HSPA14: variants seen among roughly 807,000 people sequenced by gnomAD.
HSPA14 encodes heat shock 70 kDa protein 14.
Under a neutral mutation model 65.5 loss-of-function variants are expected in HSPA14, and 37 were observed. The ratio of observed to expected loss-of-function variants is 0.56; its 90% CI spans 0.43 to 0.74. The LOEUF (loss-of-function observed/expected upper bound fraction) is 0.74. Ranked by LOEUF, HSPA14 falls within the 30% of genes least tolerant of loss-of-function variation. The pLI is 0.00. For missense variants in HSPA14, 564 were observed against 607.6 expected, an observed-to-expected ratio of 0.93 and a Z score of 0.75; for synonymous variants, 203 against 214.2, an observed-to-expected ratio of 0.95 and a Z score of 0.46.
intron 5 of HSPA14, chr10:14,849,362 G>T: frequency 2.1e-6 from 1 of 483,882 alleles, no homozygotes. Context: ...TAAGAACTTG[G>T]GGGTTGGAAG....
intron 8 of HSPA14, among the ~76,000 whole-genome samples, chr10:14,853,375 A>G (rs1834122413): frequency 6.6e-6 from 1 of 152,198 alleles, no homozygotes; most frequent in Non-Finnish European, 1.5e-5. Context: ...ATGCTTGACA[A>G]ATAATTTTAT....
At chr10:14,858,229 G>A (rs929713101) in intron 10 of HSPA14, among the ~76,000 whole-genome samples, 5 of 152,156 alleles carry the variant, frequency 3.3e-5, no homozygotes, top group Admixed American at 6.5e-5. Context: ...GTTGCATATC[G>A]TGACAAATAA....
chr10:14,861,581 G>GA (rs369248165), intron 10 of HSPA14, among the ~76,000 whole-genome samples: 3 of 152,276 alleles, frequency 2.0e-5, no homozygotes, highest in African/African-American at 7.2e-5. Flanking sequence ...AAAGTGCTAG[G>GA]ATTACAGGCA....
chr10:14,851,153 T>C, intron 6 of HSPA14, 66 bp from the exon 7 acceptor site: 2 of 861,928 alleles, frequency 2.3e-6, no homozygotes, highest in Non-Finnish European at 3.8e-6. Flanking sequence ...CTTTAGCAGA[T>C]CATTTCTAAA....
At position 14,867,806 on chromosome 10, in the gene HSPA14, G is replaced by A; in HGVS notation, c.1277G>A (p.Arg426Lys). The A allele has an allele frequency of 1.9e-6, 3 of 1,614,126 alleles. No individual in the cohort carries two copies. The highest frequency in any genetic ancestry group is 2.5e-6 in the Non-Finnish European group (3 of 1,180,030). ...FPSGTPLPAR[R>K]QHTLQAPGSI... ...TCAGGGACTCCTTTGCCAGCTCGAA[G>A]ACAACACACATTGCAAGCCCCTGGA... Residue 426 changes from arginine to lysine, a missense_variant, in exon 12 of 14, where the codon AGA becomes AAA. Coordinates refer to ENST00000378372, the MANE Select transcript of HSPA14 (RefSeq NM_016299.4).
At chr10:14,846,530 A>C in intron 3 of HSPA14, 4 of 985,406 alleles carry the variant, frequency 4.1e-6, no homozygotes, top group Non-Finnish European at 3.6e-6. Context: ...AGTGTGCAAG[A>C]AAGCAAGCCA....
At chr10:14,860,086 C>T (rs1169961365) in intron 10 of HSPA14, among the ~76,000 whole-genome samples, 1 of 152,086 alleles carries the variant, frequency 6.6e-6, no homozygotes, top group East Asian at 1.9e-4. Flanking sequence ...GGGATTATTG[C>T]TCTTGTGAAT....
intron 10 of HSPA14, among the ~76,000 whole-genome samples, chr10:14,864,065 A>G (rs1217381300): frequency 6.6e-6 from 1 of 151,870 alleles, no homozygotes; most frequent in Non-Finnish European, 1.5e-5. Flanking sequence ...TTCCCAAAAC[A>G]AAGTTGGCTG....
At chr10:14,845,920 T>C in intron 3 of HSPA14, 1 of 666,566 alleles carries the variant, frequency 1.5e-6, no homozygotes, top group Non-Finnish European at 1.9e-6. Context: ...ATTTTTTTTT[T>C]CCTAGTACCT....
At chr10:14,863,068 T>C (rs1832770102) in intron 10 of HSPA14, among the ~76,000 whole-genome samples, 1 of 151,248 alleles carries the variant, frequency 6.6e-6, no homozygotes, top group Non-Finnish European at 1.5e-5. Flanking sequence ...GATGATCTTA[T>C]GACGTTGTTT....
Position 14,852,666 on chromosome 10 carries a change from A to G in HSPA14, c.734+135A>G, listed in dbSNP as rs962680736. Reference sequence around the variant, plus strand: ...TTTTTTCATTGCTTGGAAACTGGATATTTTCATATCTAGAGTTATGTCCTG... The same window carrying G: ...TTTTTTCATTGCTTGGAAACTGGATGTTTTCATATCTAGAGTTATGTCCTG... On this transcript the variant is annotated intron_variant, in intron 8 of 13. Transcript: ENST00000378372. 15 of 726,340 alleles carry G rather than the reference A, an allele frequency of 2.1e-5. No homozygotes were observed. In the African/African-American group the frequency reaches 2.2e-4, roughly 11 times the overall value. 45.0% of individuals were successfully genotyped at this position (726,340 alleles called of 1,614,324 possible).
Position 14,842,788 on chromosome 10 carries a change from T to TGAC in HSPA14, c.221+2632_221+2634dup. On this transcript the variant is annotated intron_variant, in intron 3 of 13. Transcript: ENST00000378372. This position sits in a 1 kb window ranked among gnomAD's most constrained non-coding sequence, Gnocchi z 5.2. ...ATGAGGATTGTCAGCTAAGAATCAGTGACCGGATACGAGAAACCAGTGACC... is the reference window on the plus strand; with the variant it reads ...ATGAGGATTGTCAGCTAAGAATCAGTGACGACCGGATACGAGAAACCAGTGACC... 6.5e-7 allele frequency: 1 copy of TGAC among 1,536,408 alleles called. No homozygotes were observed. Among genetic ancestry groups the TGAC allele is most frequent in the Non-Finnish European group, 8.7e-7 (1 of 1,146,964 alleles).
chr10:14,862,232 G>A (rs960987198), intron 10 of HSPA14, among the ~76,000 whole-genome samples: 3 of 151,194 alleles, frequency 2.0e-5, no homozygotes, highest in African/African-American at 7.3e-5. Context: ...GTTTCACCGT[G>A]TTAGCCAGCA....
intron 3 of HSPA14, 72 bp from the exon 4 acceptor site, chr10:14,848,537 T>G: frequency 9.3e-7 from 1 of 1,077,394 alleles, no homozygotes; most frequent in South Asian, 1.4e-5. Context: ...TGAAATACAG[T>G]CTTCTCTAAA....
chr10:14,864,973 T>C (rs934740550), intron 10 of HSPA14, among the ~76,000 whole-genome samples: 7 of 152,180 alleles, frequency 4.6e-5, no homozygotes, highest in South Asian at 2.1e-4. Flanking sequence ...CCACATCCTC[T>C]CTAGCACCTG....
rs775668086 is a variant in HSPA14 at position 14,840,011 on chromosome 10, T to G, written c.138+26T>G. ...GTACTAGTCCCCCCATTTTTGTACT[T>G]CTGAAATAATTTAAAATTACATACA... On this transcript the variant is annotated intron_variant, in intron 2 of 13. Transcript: ENST00000378372. The G allele has an allele frequency of 1.9e-6, 3 of 1,552,820 alleles. No individual in the cohort carries two copies. In the East Asian group the frequency reaches 6.8e-5, roughly 35 times the overall value.
At chr10:14,851,133 T>G in intron 6 of HSPA14, 86 bp from the exon 7 acceptor site, 1 of 756,100 alleles carries the variant, frequency 1.3e-6, no homozygotes, top group Non-Finnish European at 2.3e-6. Context: ...TAGTAGCTTT[T>G]GTATAAAATC....
At chr10:14,864,989 T>G (rs1832792578) in intron 10 of HSPA14, among the ~76,000 whole-genome samples, 1 of 152,148 alleles carries the variant, frequency 6.6e-6, no homozygotes. Flanking sequence ...ACCTGTTGTT[T>G]CCTGACTTTT....
rs576799735 is a variant in HSPA14 at position 14,839,893 on chromosome 10, T to G, written c.58-12T>G. Reference sequence around the variant, plus strand: ...TCTAATGAGACTATGTATTTCGTGTTTTTTTCTCTAGGATGGCCGGGCTGG... The same window carrying G: ...TCTAATGAGACTATGTATTTCGTGTGTTTTTCTCTAGGATGGCCGGGCTGG... On this transcript the variant is annotated splice_polypyrimidine_tract_variant and intron_variant, in intron 1 of 13. Transcript: ENST00000378372. 1 of 1,607,174 alleles carries G rather than the reference T, an allele frequency of 6.2e-7. No homozygotes were observed. The highest frequency in any genetic ancestry group is 1.3e-5 in the African/African-American group (1 of 74,938).
Sources: gnomAD v4.1 joint callset for allele counts (sites outside exome capture counted in the v4.1 genomes callset) on GRCh38, gnomAD v4.1.1 for gene constraint, Gnocchi (gnomAD v3.1) non-coding constraint, MANE v1.5 for transcripts, NCBI Gene and HGNC (gene_info 2026-07-23, HGNC 2026-07-21) for gene names.